The following BANP variants were observed in gnomAD, a reference collection of about 807,000 sequenced individuals.
BANP encodes the protein BTG3 associated nuclear protein.
BANP carries 11 observed loss-of-function variants against 68.1 expected under a neutral mutation model. The observed-to-expected ratio is 0.16, with a 90% CI of 0.10 to 0.27. The LOEUF (loss-of-function observed/expected upper bound fraction) is 0.27. BANP is among the 10% of genes least tolerant of loss of function. The pLI, the probability that BANP is intolerant of heterozygous loss-of-function variation, is 1.00. For synonymous variants in BANP, 329 were observed against 303.2 expected, an observed-to-expected ratio of 1.09 and a Z score of -0.88; for missense variants, 504 against 722.7, an observed-to-expected ratio of 0.70 and a Z score of 3.47.
intron 11 of BANP, among the ~76,000 whole-genome samples, chr16:88,059,921 A>G (rs2086241841): frequency 6.6e-6 from 1 of 152,184 alleles, no homozygotes; most frequent in Non-Finnish European, 1.5e-5. Context: ...GAAGGGTCAC[A>G]TTTAGGCCCC....
chr16:88,026,679 A>C (rs564485560), intron 7 of BANP, among the ~76,000 whole-genome samples: 2 of 152,254 alleles, frequency 1.3e-5, no homozygotes, highest in East Asian at 3.9e-4. Context: ...GTAACAATAC[A>C]TAACTTGAAT....
chr16:88,058,874 G>C (rs980123654), intron 11 of BANP, among the ~76,000 whole-genome samples: 3 of 152,068 alleles, frequency 2.0e-5, no homozygotes, highest in Non-Finnish European at 2.9e-5. Flanking sequence ...CATTGTTTAC[G>C]TTGACTCCCA....
At chr16:88,033,396 A>C in intron 9 of BANP, 151 bp downstream of exon 9, 1 of 817,394 alleles carries the variant, frequency 1.2e-6, no homozygotes, top group Admixed American at 3.5e-5. Flanking sequence ...AGTAGAGGTC[A>C]TCGTGGCCAT....
At chr16:87,994,129 C>G (rs1424863093) in intron 4 of BANP, among the ~76,000 whole-genome samples, 1 of 151,670 alleles carries the variant, frequency 6.6e-6, no homozygotes, top group Non-Finnish European at 1.5e-5. Flanking sequence ...TGCACTGTGT[C>G]CTCTGAACAT....
chr16:88,026,301 G>T lies in BANP; in HGVS notation c.896-1182G>T, dbSNP rs147972511. ...CTCCAGGGATGAGGACACAGGCCCTGCCCGTAAGGAGTTTGTACTCTAGTT... is the reference window on the plus strand; with the variant it reads ...CTCCAGGGATGAGGACACAGGCCCTTCCCGTAAGGAGTTTGTACTCTAGTT... On this transcript the variant is annotated intron_variant, in intron 7 of 13. Coordinates refer to ENST00000682872, the MANE Select transcript of BANP (RefSeq NM_001386991.1). Among the ~76,000 whole-genome samples, 245 of 152,344 alleles carry T rather than the reference G, an allele frequency of 1.6e-3. 1 individual carries two copies. The highest frequency in any genetic ancestry group is 5.6e-3 in the African/African-American group (234 of 41,572).
chr16:87,969,843 C>T (rs2060795337), intron 1 of BANP, among the ~76,000 whole-genome samples: 1 of 151,664 alleles, frequency 6.6e-6, no homozygotes, highest in Non-Finnish European at 1.5e-5. Context: ...ACTATCTTTA[C>T]ATAACTTGTT....
chr16:88,062,526 G>T (rs551041817), intron 11 of BANP, among the ~76,000 whole-genome samples: 1 of 152,214 alleles, frequency 6.6e-6, no homozygotes, highest in East Asian at 1.9e-4. Flanking sequence ...TCTGAATGGA[G>T]CTGGGAAAGT....
At chr16:88,033,889 G>A (rs2078738857) in intron 9 of BANP, among the ~76,000 whole-genome samples, 2 of 151,954 alleles carry the variant, frequency 1.3e-5, no homozygotes, top group African/African-American at 4.9e-5. Context: ...CATGAGAGTA[G>A]GGCGTGGCTG....
intron 4 of BANP, among the ~76,000 whole-genome samples, chr16:87,999,217 GAC>G (rs2068334678): frequency 7.4e-6 from 1 of 135,100 alleles, no homozygotes; most frequent in African/African-American, 2.9e-5. Context: ...AGGCCTTCCA[GAC>G]ACGTCTCCAT....
intron 12 of BANP, among the ~76,000 whole-genome samples, chr16:88,070,455 C>T (rs1599121580): frequency 6.6e-6 from 1 of 152,320 alleles, no homozygotes; most frequent in South Asian, 2.1e-4. Context: ...TTTGAGACAA[C>T]AAAATCCCGA....
chr16:88,045,779 A>G (rs2081884590), intron 11 of BANP, among the ~76,000 whole-genome samples: 1 of 103,598 alleles, frequency 9.7e-6, no homozygotes, highest in Non-Finnish European at 1.8e-5. Flanking sequence ...TTTGGGAGAG[A>G]ACTGGATGGG....
intron 4 of BANP, among the ~76,000 whole-genome samples, chr16:87,986,395 G>T (rs2064427636): frequency 6.6e-6 from 1 of 152,204 alleles, no homozygotes; most frequent in African/African-American, 2.4e-5. Flanking sequence ...CCTCTGTGAA[G>T]AACTCCAAAG....
rs563868358 is a variant in BANP, at chr16:88,018,821, G to A, written c.895+154G>A. ...CTCAGCCCGAGGATCAGTGCTCGAGGGGATGGATGAGCTGTTGACCCTGAT... is the reference window on the plus strand; with the variant it reads ...CTCAGCCCGAGGATCAGTGCTCGAGAGGATGGATGAGCTGTTGACCCTGAT... On this transcript the variant is annotated intron_variant, in intron 7 of 13. Coordinates refer to ENST00000682872, the MANE Select transcript of BANP (RefSeq NM_001386991.1). This position sits in a 1 kb window ranked among gnomAD's most constrained non-coding sequence, Gnocchi z 7.7. 6.6e-6 allele frequency among the ~76,000 whole-genome samples: 1 copy of A among 152,328 alleles called. No homozygotes were observed. The highest frequency in any genetic ancestry group is 6.5e-5 in the Admixed American group (1 of 15,300).
At chr16:87,977,545 T>C (rs2062411041) in intron 2 of BANP, among the ~76,000 whole-genome samples, 2 of 152,228 alleles carry the variant, frequency 1.3e-5, no homozygotes, top group African/African-American at 4.8e-5. Context: ...CACATTTGCA[T>C]TCATAGTGGG....
intron 4 of BANP, among the ~76,000 whole-genome samples, chr16:87,985,039 G>A (rs1451283648): frequency 3.3e-5 from 5 of 151,998 alleles, no homozygotes; most frequent in Non-Finnish European, 7.4e-5. Flanking sequence ...CAGCGGGGGC[G>A]CCGGGGAGGA....
intron 4 of BANP, among the ~76,000 whole-genome samples, chr16:88,000,859 T>C (rs1264498941): frequency 8.0e-4 from 4 of 4,988 alleles, no homozygotes; most frequent in Admixed American, 5.1e-3. Flanking sequence ...CTTCCAGACG[T>C]GTCTCCATGC....
intron 1 of BANP, among the ~76,000 whole-genome samples, chr16:87,955,957 G>C (rs796457364): frequency 2.6e-5 from 4 of 152,298 alleles, no homozygotes; most frequent in African/African-American, 9.6e-5. Context: ...CTGCAGGCAG[G>C]TGGCCAGGTG....
At chr16:87,983,739 G>A (rs548300592) in intron 3 of BANP, among the ~76,000 whole-genome samples, 2,150 of 151,432 alleles carry the variant, frequency 0.014, 47 homozygotes, top group African/African-American at 0.049. Flanking sequence ...CTAGTTTTAT[G>A]TGTAAATTTA....
At chr16:87,972,495 T>C (rs1307538242) in intron 1 of BANP, among the ~76,000 whole-genome samples, 1 of 152,086 alleles carries the variant, frequency 6.6e-6, no homozygotes, top group Non-Finnish European at 1.5e-5. Context: ...TCTGCAGTGA[T>C]GTTATTTTGC....
Sources: allele counts gnomAD v4.1 joint callset (sites outside exome capture counted in the v4.1 genomes callset), GRCh38; gene constraint gnomAD v4.1.1; non-coding constraint Gnocchi (gnomAD v3.1); transcripts MANE v1.5; gene names NCBI Gene and HGNC (gene_info 2026-07-23, HGNC 2026-07-21).